The following ROBO1 variants were observed in gnomAD, a reference collection of about 807,000 sequenced individuals.
ROBO1 encodes the protein roundabout guidance receptor 1.
Under a neutral mutation model 195.9 loss-of-function variants are expected in ROBO1, and 149 were observed. The ratio of observed to expected loss-of-function variants is 0.76; its 90% CI spans 0.67 to 0.87. ROBO1 has a LOEUF of 0.87. Among genes scored for constraint, ROBO1 ranks in the 40% least tolerant of loss-of-function variants. The pLI is 0.00. For synonymous variants in ROBO1, 816 were observed against 733.2 expected, an observed-to-expected ratio of 1.11 and a Z score of -1.82; for missense variants, 1,933 against 2,068.3, an observed-to-expected ratio of 0.93 and a Z score of 1.27.
intron 4 of ROBO1, among the ~76,000 whole-genome samples, chr3:78,930,324 C>T (rs558113660): frequency 2.6e-5 from 4 of 152,270 alleles, no homozygotes; most frequent in Non-Finnish European, 5.9e-5. Flanking sequence ...GATGAAAAGA[C>T]AAATGCTGCA....
At chr3:78,680,514 T>C (rs2080871473) in intron 10 of ROBO1, among the ~76,000 whole-genome samples, 1 of 151,862 alleles carries the variant, frequency 6.6e-6, no homozygotes, top group East Asian at 1.9e-4. Context: ...CATCAAAAAG[T>C]GGGCGAAGGA....
intron 2 of ROBO1, among the ~76,000 whole-genome samples, chr3:79,374,014 T>G (rs1052516995): frequency 2.6e-5 from 4 of 152,304 alleles, no homozygotes; most frequent in Non-Finnish European, 5.9e-5. Flanking sequence ...AATTTAGTAA[T>G]TGTATCATAA....
At chr3:79,358,604 G>A (rs1224265168) in intron 2 of ROBO1, among the ~76,000 whole-genome samples, 3 of 152,036 alleles carry the variant, frequency 2.0e-5, no homozygotes, top group South Asian at 4.1e-4. Context: ...GTGTCTGGGT[G>A]TGCTTTAATT....
At chr3:79,617,461 T>C (rs1944860730) in intron 1 of ROBO1, among the ~76,000 whole-genome samples, 1 of 152,052 alleles carries the variant, frequency 6.6e-6, no homozygotes, top group African/African-American at 2.4e-5. Context: ...AAATTATCTT[T>C]AAAAAGGAAT....
intron 8 of ROBO1, among the ~76,000 whole-genome samples, chr3:78,695,208 T>C (rs1021731293): frequency 3.9e-4 from 60 of 152,158 alleles, no homozygotes; most frequent in African/African-American, 1.4e-3. Context: ...TCATGGCACA[T>C]GTATACATAT....
intron 2 of ROBO1, among the ~76,000 whole-genome samples, chr3:79,206,113 C>A (rs1326034256): frequency 2.6e-5 from 4 of 152,148 alleles, no homozygotes; most frequent in Non-Finnish European, 5.9e-5. Flanking sequence ...ATGATGAGAT[C>A]TCATGCTGTC....
intron 2 of ROBO1, among the ~76,000 whole-genome samples, chr3:79,483,950 TCTGA>T (rs990613926): frequency 4.6e-5 from 7 of 152,088 alleles, no homozygotes; most frequent in Admixed American, 3.3e-4. Context: ...AAAGCGTGGG[TCTGA>T]CTGAGGATTG....
chr3:78,986,372 A>G (rs1470961492), intron 3 of ROBO1, among the ~76,000 whole-genome samples: 8 of 152,178 alleles, frequency 5.3e-5, no homozygotes, highest in Admixed American at 5.2e-4. Context: ...AGTGAGGAAA[A>G]AAAGAATAAA....
chr3:79,029,372 T>C (rs2108297684), intron 3 of ROBO1, among the ~76,000 whole-genome samples: 1 of 152,280 alleles, frequency 6.6e-6, no homozygotes, highest in African/African-American at 2.4e-5. Flanking sequence ...AGTAATTTTG[T>C]CGCTTTAAAA....
chr3:79,089,677 T>C (rs2079439751), intron 3 of ROBO1, among the ~76,000 whole-genome samples: 3 of 152,186 alleles, frequency 2.0e-5, no homozygotes, highest in Admixed American at 2.0e-4. Context: ...TCAGGAAGAT[T>C]ACATACTATA....
chr3:79,272,060 T>C (rs1364917552), intron 2 of ROBO1, among the ~76,000 whole-genome samples: 1 of 152,002 alleles, frequency 6.6e-6, no homozygotes, highest in Non-Finnish European at 1.5e-5. Context: ...AGAGGAAATA[T>C]AGAGCTAAAT....
chr3:79,497,425 C>A (rs1939808072), intron 2 of ROBO1, among the ~76,000 whole-genome samples: 2 of 152,054 alleles, frequency 1.3e-5, no homozygotes, highest in African/African-American at 4.8e-5. Context: ...AAAATAATAT[C>A]TTTTTTGTTT....
intron 2 of ROBO1, among the ~76,000 whole-genome samples, chr3:79,445,662 ATTT>A (rs375526795): frequency 1.5e-5 from 2 of 134,092 alleles, no homozygotes; most frequent in Admixed American, 7.5e-5. Flanking sequence ...AGGCCTGGCA[ATTT>A]TTTTTTTTTT....
intron 1 of ROBO1, among the ~76,000 whole-genome samples, chr3:79,679,501 T>A (rs1028331849): frequency 6.6e-6 from 1 of 152,094 alleles, no homozygotes; most frequent in African/African-American, 2.4e-5. Context: ...TGAACAATTT[T>A]ACTTGAAGAT....
intron 3 of ROBO1, among the ~76,000 whole-genome samples, chr3:79,107,127 T>TCTCTCACACACACACA (rs1370578718): frequency 1.5e-5 from 2 of 136,388 alleles, no homozygotes; most frequent in African/African-American, 5.3e-5. Flanking sequence ...TCTCTCTCTC[T>TCTCTCACACACACACA]CACACACACA....
At chr3:78,663,795 A>G (rs1247452396) in intron 14 of ROBO1, among the ~76,000 whole-genome samples, 1 of 152,202 alleles carries the variant, frequency 6.6e-6, no homozygotes, top group Non-Finnish European at 1.5e-5. Context: ...CTTAATAAAC[A>G]TAGGTTCAAT....
At chr3:79,340,408 T>C (rs2034862729) in intron 2 of ROBO1, among the ~76,000 whole-genome samples, 2 of 152,118 alleles carry the variant, frequency 1.3e-5, no homozygotes, top group Admixed American at 1.3e-4. Context: ...ATGACTTGAA[T>C]AAGGGGAGAG....
chr3:79,534,437 T>C (rs1227637528), intron 2 of ROBO1, among the ~76,000 whole-genome samples: 3 of 152,108 alleles, frequency 2.0e-5, no homozygotes, highest in Non-Finnish European at 4.4e-5. Flanking sequence ...ATTAGTTTCA[T>C]GGTTCTAGAA....
chr3:79,498,988 A>T (rs67257939), intron 2 of ROBO1, among the ~76,000 whole-genome samples: 99,686 of 152,042 alleles, frequency 0.66, 33,655 homozygotes, highest in African/African-American at 0.83. Flanking sequence ...TTAATTTTTT[A>T]AATTTTTATT....
Sources: gnomAD v4.1 joint callset for allele counts (sites outside exome capture counted in the v4.1 genomes callset) on GRCh38, gnomAD v4.1.1 for gene constraint, MANE v1.5 for transcripts, NCBI Gene and HGNC (gene_info 2026-07-23, HGNC 2026-07-21) for gene names.